The following FLG variants were observed in gnomAD, a reference collection of about 807,000 sequenced individuals.
The protein encoded by FLG is epidermal filaggrin.
A neutral mutation model predicts 3.8 loss-of-function variants in FLG; 6 were observed. The ratio of observed to expected loss-of-function variants is 1.60; its 90% CI spans 0.87 to 3.15. The LOEUF (loss-of-function observed/expected upper bound fraction) is 3.15, where lower values mean the gene tolerates loss of function less well. Ranked by LOEUF, FLG falls within the 30% of genes most tolerant of loss-of-function variation. FLG has a pLI of 0.00. For missense variants in FLG, 7,595 were observed against 5,050.9 expected (o/e 1.50, Z -15.27); for synonymous variants, 2,551 against 1,931.6 (o/e 1.32, Z -8.41).
chr1:152,311,868 T>A lies in FLG; in HGVS notation c.3018A>T (p.Gly1006=). 2 of 1,611,978 alleles carry A rather than the reference T, an allele frequency of 1.2e-6. No homozygotes were observed. The highest frequency in any genetic ancestry group is 1.7e-4 in the Middle Eastern group (1 of 6,060). ...CAGAGGAAGTCTCTGCGTGAGGAGTTCCTGATTGTCTGGAGCTGTCTGCAG... is the reference window on the plus strand; with the variant it reads ...CAGAGGAAGTCTCTGCGTGAGGAGTACCTGATTGTCTGGAGCTGTCTGCAG... ...GHSADSSRQS[G]TPHAETSSGG... is the part of the protein sequence containing the mutation. The change falls in exon 3 of 3, where the codon GGA becomes GGT. Residue 1006 remains glycine (G), a synonymous_variant. Coordinates refer to ENST00000368799, the MANE Select transcript of FLG (RefSeq NM_002016.2).
Position 152,313,643 on chromosome 1 carries a change from G to T in FLG, c.1243C>A (p.Arg415=). Residue 415 remains arginine, a synonymous_variant, in exon 3 of 3, where the codon CGG becomes AGG. Transcript: ENST00000368799. ...CTGGCCTGACTACCGCTAGACCCCC[G>T]GTGTCCACGATCGCTGACTGCAGAT... ...ASSAVSDRGH[R]GSSGSQASDS... 1 of 1,612,892 alleles carries T rather than the reference G, an allele frequency of 6.2e-7. No individual in the cohort carries two copies. Among genetic ancestry groups the T allele is most frequent in the Non-Finnish European group, 8.5e-7 (1 of 1,179,762 alleles).
rs1307627266 is a variant in FLG, at chr1:152,308,299, T to A, written c.6587A>T (p.Lys2196Met). 1.9e-6 allele frequency: 3 copies of A among 1,613,520 alleles called. No homozygotes were observed. The highest frequency in any genetic ancestry group is 8.5e-7 in the Non-Finnish European group (1 of 1,179,712). The change falls in exon 3 of 3, where the codon AAG becomes ATG. Residue 2196 changes from lysine to methionine, a missense_variant. Transcript: ENST00000368799. ...CCTAGAGCCATCTCCTGATTGTTCC[T>A]TGTCATATGTTTTTCTGCTTGCACT... ...SRSASRKTYDKEQSGDGSRHS... is the reference protein window; with the variant it reads ...SRSASRKTYDMEQSGDGSRHS...
At chr1:152,318,349 CTCA>C in intron 1 of FLG, among the ~76,000 whole-genome samples, 1 of 151,996 alleles carries the variant, frequency 6.6e-6, no homozygotes, top group African/African-American at 2.4e-5. Flanking sequence ...CCATCATTAC[CTCA>C]TCATCATCAT....
chr1:152,303,809 G>A lies in FLG; in HGVS notation c.11077C>T (p.Gln3693Ter). The A allele has an allele frequency of 6.2e-7, 1 of 1,613,628 alleles. No individual in the cohort carries two copies. Among genetic ancestry groups the A allele is most frequent in the Non-Finnish European group, 8.5e-7 (1 of 1,179,852 alleles). The change falls in exon 3 of 3, where the codon CAA becomes TAA. Residue 3693 changes from glutamine to a stop codon, truncating the protein, a stop_gained. Coordinates refer to ENST00000368799, the MANE Select transcript of FLG (RefSeq NM_002016.2). LOFTEE classifies it low-confidence loss of function (END_TRUNC). Reference protein sequence around the residue: ...GQAGPHQQSHQESTRGRSAGR... With the variant: ...GQAGPHQQSH ...GCTGACCGGCCACGTGTGGACTCTT[G>A]GTGGCTCTGCTGATGGGGCCCAGCC...
rs201398557 is a variant in FLG, at chr1:152,311,271, A to G, written c.3615T>C (p.Asp1205=). 3 of 1,613,788 alleles carry G rather than the reference A, an allele frequency of 1.9e-6. No individual in the cohort carries two copies. The highest frequency in any genetic ancestry group is 2.2e-5 in the South Asian group (2 of 91,060). The part of the protein sequence containing the change: ...HSHTTSQGRS[D]ASHGQSGSRS... Reference sequence around the variant, plus strand: ...TGGATCCTGACTGCCCATGGGAGGCATCAGACCTTCCCTGGGATGTGGTGT... The same window carrying G: ...TGGATCCTGACTGCCCATGGGAGGCGTCAGACCTTCCCTGGGATGTGGTGT... The change falls in exon 3 of 3, where the codon GAT becomes GAC. Residue 1205 remains aspartate, a synonymous_variant. Transcript: ENST00000368799.
At chr1:152,314,920 C>T in intron 2 of FLG, 173 bp from the exon 3 acceptor site, 1 of 702,800 alleles carries the variant, frequency 1.4e-6, no homozygotes, top group Non-Finnish European at 2.3e-6. Flanking sequence ...TATATGTGAA[C>T]AAAGATGTAG....
rs199927573 is a variant in FLG at position 152,304,927 on chromosome 1, C to A, written c.9959G>T (p.Arg3320Leu). Residue 3320 changes from arginine to leucine, a missense_variant, in exon 3 of 3, where the codon CGT (arginine) becomes CTT (leucine). Coordinates refer to ENST00000368799, the MANE Select transcript of FLG (RefSeq NM_002016.2). ...TCTGACTGCAGATGAAGCTTGTCCA[C>A]GCGGAATGCCTGAGTGTCTGGAGCT... ...ADSSRHSGIP[R>L]GQASSAVRDS... 1.2e-6 allele frequency: 2 copies of A among 1,613,484 alleles called. No individual in the cohort carries two copies. Among genetic ancestry groups the A allele is most frequent in the Non-Finnish European group, 1.7e-6 (2 of 1,179,798 alleles).
rs145738429 is a variant in FLG, at chr1:152,309,785, G to C, written c.5101C>G (p.Gln1701Glu). 738 of 1,613,780 alleles carry C rather than the reference G, an allele frequency of 4.6e-4. 2 individuals are homozygous for C. The highest frequency in any genetic ancestry group is 6.1e-4 in the Non-Finnish European group (716 of 1,179,994). The change falls in exon 3 of 3, where the codon CAA becomes GAA. Residue 1701 changes from glutamine (Q) to glutamate (E), a missense_variant. By Grantham distance (29) the Gln-to-Glu change is conservative (BLOSUM62 2). Coordinates refer to ENST00000368799, the MANE Select transcript of FLG (RefSeq NM_002016.2). ...CTGTCTCCGACTACAGATGAATCTT[G>C]TCTGCGCCCAGTGCCTGAGTCTGTG... ...SSTDSGTGRR[Q>E]DSSVVGDSGN...
intron 1 of FLG, among the ~76,000 whole-genome samples, chr1:152,324,313 A>G (rs949396685): frequency 6.6e-6 from 1 of 151,716 alleles, no homozygotes; most frequent in Non-Finnish European, 1.5e-5. Flanking sequence ...TTTTAATTCT[A>G]CTGTGCCCCT....
At position 152,311,162 on chromosome 1, in the gene FLG, A is replaced by G. The variant is rs772997185; in HGVS notation, c.3724T>C (p.Ser1242Pro). ...GAGTGTCTAGAGCTGTCAGCCCAAG[A>G]GGCAGCTTCATGGTGACGTGACCCT... ...HSGSRHHEAA[S>P]WADSSRHSQV... The change falls in exon 3 of 3, where the codon TCT (serine) becomes CCT (proline). Residue 1242 changes from serine (S) to proline (P), a missense_variant. Physicochemically the swap from Ser to Pro is moderately conservative, Grantham distance 74 (BLOSUM62 -1). Transcript: ENST00000368799. The G allele has an allele frequency of 1.9e-6, 3 of 1,613,462 alleles. No individual in the cohort carries two copies. The highest frequency in any genetic ancestry group is 1.7e-6 in the Non-Finnish European group (2 of 1,179,932).
rs1395008817 is a variant in FLG, at chr1:152,305,547, G to A, written c.9339C>T (p.His3113=). The part of the protein sequence containing the change: ...SQYGQDTIRG[H]PGSSRGGRQG... Reference sequence around the variant, plus strand: ...GCCTTCCTCCTCTGCTTGACCCCGGGTGTCCACGAATGGTGTCCTGACCGT... The same window carrying A: ...GCCTTCCTCCTCTGCTTGACCCCGGATGTCCACGAATGGTGTCCTGACCGT... The change falls in exon 3 of 3, where the codon CAC becomes CAT. Residue 3113 remains histidine (H), a synonymous_variant. Transcript: ENST00000368799. The A allele has an allele frequency of 6.5e-7, 1 of 1,528,448 alleles. No individual in the cohort carries two copies. The highest frequency in any genetic ancestry group is 8.7e-7 in the Non-Finnish European group (1 of 1,144,032). 94.7% of individuals were successfully genotyped at this position (1,528,448 alleles called of 1,614,324 possible). A position where few individuals can be genotyped will look rare whatever the true frequency, so the allele number is the denominator to read the frequency against.
Position 152,308,288 on chromosome 1 carries a change from C to T in FLG, c.6598G>A (p.Gly2200Arg), listed in dbSNP as rs1369201002. The stretch of plus-strand genomic sequence containing the variant: ...GACCCTGAGTGCCTAGAGCCATCTC[C>T]TGATTGTTCCTTGTCATATGTTTTT... The part of the protein sequence containing the change: ...SRKTYDKEQS[G>R]DGSRHSGSHH... Residue 2200 changes from glycine to arginine, a missense_variant, in exon 3 of 3, where the codon GGA becomes AGA. Gly to Arg is a moderately radical substitution (Grantham distance 125). Transcript: ENST00000368799. The T allele has an allele frequency of 1.2e-6, 2 of 1,613,596 alleles. No individual in the cohort carries two copies. The highest frequency in any genetic ancestry group is 1.7e-4 in the Middle Eastern group (1 of 6,060).
At position 152,304,850 on chromosome 1, in the gene FLG, G is replaced by T; in HGVS notation, c.10036C>A (p.His3346Asn). The change falls in exon 3 of 3, where the codon CAT becomes AAT. Residue 3346 changes from histidine (H) to asparagine (N), a missense_variant. By Grantham distance (68) the His-to-Asn change is moderately conservative. Transcript: ENST00000368799. ...GACTGTGTGTCTGACTCTTCTGAAT[G>T]TCCCTCACTATCACTGGCCTGACTA... ...SGSQASDSEG[H>N]SEESDTQSVS... is the part of the protein sequence containing the mutation. 6.2e-7 allele frequency: 1 copy of T among 1,613,866 alleles called. No individual in the cohort carries two copies. Among genetic ancestry groups the T allele is most frequent in the Non-Finnish European group, 8.5e-7 (1 of 1,179,976 alleles).
rs147217287 is a variant in FLG at position 152,304,128 on chromosome 1, G to A, written c.10758C>T (p.Ala3586=). The A allele has an allele frequency of 2.7e-3, 4,218 of 1,586,052 alleles. 302 individuals carry two copies. The highest frequency in any genetic ancestry group is 7.7e-3 in the South Asian group (677 of 87,630). ...RHPTSHHEDR[A]GHGHSAESSR... ...AGCTCTCTGCAGAGTGCCCGTGACC[G>A]GCTCTGTCTTCGTGATGGGACGTGG... is the stretch of plus-strand genomic sequence containing the variant. The change falls in exon 3 of 3, where the codon GCC becomes GCT. Residue 3586 remains alanine, a synonymous_variant. Coordinates refer to ENST00000368799, the MANE Select transcript of FLG (RefSeq NM_002016.2).
At chr1:152,324,594 C>G (rs1377323065) in intron 1 of FLG, among the ~76,000 whole-genome samples, 1 of 151,900 alleles carries the variant, frequency 6.6e-6, no homozygotes, top group Non-Finnish European at 1.5e-5. Context: ...CTTGTCCAAT[C>G]TGTGGCCCAG....
At position 152,307,878 on chromosome 1, in the gene FLG, C is replaced by G. The variant is rs1557874703; in HGVS notation, c.7008G>C (p.Gln2336His). 6.2e-7 allele frequency: 1 copy of G among 1,612,976 alleles called. No homozygotes were observed. Among genetic ancestry groups the G allele is most frequent in the Non-Finnish European group, 8.5e-7 (1 of 1,179,708 alleles). ...AGERHGSHHQQSADSSRHSGI... is the reference protein window; with the variant it reads ...AGERHGSHHQHSADSSRHSGI... ...CTGAGTGTCTGGAGCTGTCTGCTGA[C>G]TGCTGGTGGTGGGATCCGTGTCTCT... Residue 2336 changes from glutamine to histidine, a missense_variant, in exon 3 of 3, where the codon CAG becomes CAC. Physicochemically the swap from Gln to His is conservative, Grantham distance 24 (BLOSUM62 0). Transcript: ENST00000368799.
In FLG at chr1:152,309,493, C is replaced by G. The variant is rs141235242; in HGVS notation, c.5393G>C (p.Arg1798Pro). The change falls in exon 3 of 3, where the codon CGA becomes CCA. Residue 1798 changes from arginine to proline, a missense_variant. Physicochemically the swap from Arg to Pro is moderately radical, Grantham distance 103 (BLOSUM62 -2). Transcript: ENST00000368799. ...GGACGCTGAGTGCCTGGAGCTGTCTCGTGCCTGCTCGTGGCGGGATCTTTG... is the reference window on the plus strand; with the variant it reads ...GGACGCTGAGTGCCTGGAGCTGTCTGGTGCCTGCTCGTGGCGGGATCTTTG... ...GRQRSRHEQA[R>P]DSSRHSASQE... 2 of 1,613,750 alleles carry G rather than the reference C, an allele frequency of 1.2e-6. No individual in the cohort carries two copies. Among genetic ancestry groups the G allele is most frequent in the Non-Finnish European group, 8.5e-7 (1 of 1,179,970 alleles).
Position 152,310,443 on chromosome 1 carries a change from T to G in FLG, c.4443A>C (p.Ala1481=), listed in dbSNP as rs1652324225. Residue 1481 remains alanine, a synonymous_variant, in exon 3 of 3, where the codon GCA becomes GCC. Transcript: ENST00000368799. ...EQARNSSRHS[A]SQDGQDTIRG... ...GAATGGTGTCCTGACCGTCTTGGGATGCTGAGTGCCTAGAGCTGTTTCGTG... is the reference window on the plus strand; with the variant it reads ...GAATGGTGTCCTGACCGTCTTGGGAGGCTGAGTGCCTAGAGCTGTTTCGTG... 1.9e-6 allele frequency: 3 copies of G among 1,613,156 alleles called. No individual in the cohort carries two copies. Among genetic ancestry groups the G allele is most frequent in the African/African-American group, 2.7e-5 (2 of 74,644 alleles).
In FLG at chr1:152,312,701, G is replaced by T. The variant is rs545979921; in HGVS notation, c.2185C>A (p.Gln729Lys). ...SSRHSGTGHG[Q>K]ASSAVRDSGH... ...CTGTCTCTGACTGCAGATGAAGCTTGTCCGTGCCCAGTGCCTGAGTGTCTG... is the reference window on the plus strand; with the variant it reads ...CTGTCTCTGACTGCAGATGAAGCTTTTCCGTGCCCAGTGCCTGAGTGTCTG... Residue 729 changes from glutamine (Q) to lysine (K), a missense_variant, in exon 3 of 3, where the codon CAA becomes AAA. Coordinates refer to ENST00000368799, the MANE Select transcript of FLG (RefSeq NM_002016.2). 7 of 1,613,978 alleles carry T rather than the reference G, an allele frequency of 4.3e-6. No homozygotes were observed. The African/African-American group carries it at 5.3e-5, about 12-fold the overall frequency.
Sources: allele counts gnomAD v4.1 joint callset (sites outside exome capture counted in the v4.1 genomes callset), GRCh38; gene constraint gnomAD v4.1.1; transcripts MANE v1.5; gene names NCBI Gene and HGNC (gene_info 2026-07-23, HGNC 2026-07-21).